The following AP3D1 variants were observed in gnomAD, a reference collection of about 807,000 sequenced individuals.
AP3D1 encodes adaptor related protein complex 3 subunit delta 1.
A neutral mutation model predicts 147.6 loss-of-function variants in AP3D1; 51 were observed. That is an observed-to-expected ratio of 0.35 (90% confidence interval 0.28 to 0.44). AP3D1 has a LOEUF of 0.44. AP3D1 is among the 20% of genes least tolerant of loss of function. The pLI is 1.00. For synonymous variants in AP3D1, 760 were observed against 663.0 expected, an observed-to-expected ratio of 1.15 and a Z score of -2.25; for missense variants, 1,421 against 1,624.2, an observed-to-expected ratio of 0.87 and a Z score of 2.15.
chr19:2,113,211 C>A, intron 23 of AP3D1, 125 bp downstream of exon 23: 1 of 653,724 alleles, frequency 1.5e-6, no homozygotes, highest in South Asian at 2.0e-5. Context: ...AGTGCTGGGT[C>A]CCACAGGTGC....
chr19:2,144,986 T>C (rs113186705), intron 1 of AP3D1, among the ~76,000 whole-genome samples: 8 of 152,302 alleles, frequency 5.3e-5, no homozygotes, highest in Admixed American at 2.0e-4. Flanking sequence ...CGCCAGGGCA[T>C]AGGTTTCTCT....
chr19:2,139,313 G>A (rs2019159972), intron 1 of AP3D1, among the ~76,000 whole-genome samples: 1 of 152,134 alleles, frequency 6.6e-6, no homozygotes, highest in Admixed American at 6.6e-5. Flanking sequence ...ACTCCTTGGT[G>A]GACGAACATG....
In AP3D1 at chr19:2,101,022, C is replaced by G. The variant is rs2017935715; in HGVS notation, c.*1151G>C. 6.6e-6 allele frequency: 1 copy of G among 152,444 alleles called. No homozygotes were observed. The highest frequency in any genetic ancestry group is 2.1e-4 in the South Asian group (1 of 4,836). The allele number at this position is 152,444 out of a possible 1,614,324, so 9.4% of individuals were successfully genotyped here. A position where few individuals can be genotyped will look rare whatever the true frequency, so the allele number is the denominator to read the frequency against. On this transcript the variant is annotated 3_prime_UTR_variant, in exon 32 of 32. Coordinates refer to ENST00000643116, the MANE Select transcript of AP3D1 (RefSeq NM_001261826.3). ...CTGTTTTACAACTTTATTGGATCAT[C>G]TTGACACAAAATCATGACAGCAGCG...
chr19:2,116,790 C>A, intron 16 of AP3D1, 44 bp from the exon 17 acceptor site: 1 of 1,553,266 alleles, frequency 6.4e-7, no homozygotes, highest in Non-Finnish European at 8.7e-7. Context: ...TGTGACCGAG[C>A]ACGCGCCTGC....
chr19:2,137,341 T>G (rs2019104057), intron 3 of AP3D1, among the ~76,000 whole-genome samples: 1 of 151,848 alleles, frequency 6.6e-6, no homozygotes, highest in African/African-American at 2.4e-5. Flanking sequence ...GGAGACAAAG[T>G]CTCGCTCTGT....
chr19:2,152,074 A>G (rs1229491396), upstream of AP3D1, among the ~76,000 whole-genome samples: 1 of 152,220 alleles, frequency 6.6e-6, no homozygotes, highest in East Asian at 1.9e-4. Flanking sequence ...TAACATGCCC[A>G]CAGGAAGAAA....
In AP3D1 at chr19:2,111,668, G is replaced by A. The variant is rs1052554704; in HGVS notation, c.2937+11C>T. The A allele has an allele frequency of 7.0e-6, 11 of 1,579,742 alleles. No homozygotes were observed. The South Asian group carries it at 9.1e-5, about 13-fold the overall frequency. ...CCCGGCGTGGGGCGGGGGCGCTGAAGTACCCCTCACCGGGAGCTGCTCCTC... is the reference window on the plus strand; with the variant it reads ...CCCGGCGTGGGGCGGGGGCGCTGAAATACCCCTCACCGGGAGCTGCTCCTC... On this transcript the variant is annotated intron_variant, in intron 25 of 31. Coordinates refer to ENST00000643116, the MANE Select transcript of AP3D1 (RefSeq NM_001261826.3).
chr19:2,160,098 C>T (rs1799640158), intron 1 of AP3D1, among the ~76,000 whole-genome samples: 1 of 152,042 alleles, frequency 6.6e-6, no homozygotes, highest in Non-Finnish European at 1.5e-5. Flanking sequence ...ATCTGCCCGC[C>T]TCAGCCTCCC....
intron 1 of AP3D1, among the ~76,000 whole-genome samples, chr19:2,149,705 T>C (rs1297270983): frequency 6.6e-6 from 1 of 152,114 alleles, no homozygotes; most frequent in Admixed American, 6.6e-5. Flanking sequence ...TGCCCCAGAC[T>C]AGAGGTGTGG....
chr19:2,163,704 C>A (rs575473851), intron 1 of AP3D1, among the ~76,000 whole-genome samples: 1 of 152,088 alleles, frequency 6.6e-6, no homozygotes, highest in South Asian at 2.1e-4. Flanking sequence ...CTCCCCGGGT[C>A]CCCGCTTCGG....
chr19:2,145,737 T>C (rs1259137000), intron 1 of AP3D1, among the ~76,000 whole-genome samples: 1 of 152,052 alleles, frequency 6.6e-6, no homozygotes, highest in East Asian at 1.9e-4. Context: ...AGGACCCACA[T>C]GCCTCGGCCT....
Position 2,138,677 on chromosome 19 carries a change from T to C in AP3D1, c.134A>G (p.Gln45Arg). ...YISQCIDEIK[Q>R]ELKQDNIAVK... ...CGCTATGTTGTCCTGCTTCAGCTCC[T>C]GCTTGATCTCATCAATGCACTGAGA... The change falls in exon 2 of 32, where the codon CAG becomes CGG. Residue 45 changes from glutamine (Q) to arginine (R), a missense_variant. Around this residue, in one of 6 missense-constraint regions of AP3D1, gnomAD observed 292 missense variants for 412.0 expected, o/e 0.71. Coordinates refer to ENST00000643116, the MANE Select transcript of AP3D1 (RefSeq NM_001261826.3). 6.2e-7 allele frequency: 1 copy of C among 1,613,900 alleles called. No homozygotes were observed. Among genetic ancestry groups the C allele is most frequent in the Non-Finnish European group, 8.5e-7 (1 of 1,180,010 alleles).
chr19:2,116,274 C>T lies in AP3D1; in HGVS notation c.2006G>A (p.Arg669Gln), dbSNP rs746750550. 9 of 1,613,868 alleles carry T rather than the reference C, an allele frequency of 5.6e-6. No individual in the cohort carries two copies. The highest frequency in any genetic ancestry group is 4.4e-5 in the South Asian group (4 of 91,076). The change falls in exon 18 of 32, where the codon CGA becomes CAA. Residue 669 changes from arginine (R) to glutamine (Q), a missense_variant. Arg to Gln is a conservative substitution (Grantham distance 43). Transcript: ENST00000643116. ...GGCCTGCTCCTGCTTCCGGGCCTCT[C>T]GGCGCTGTGGGACACAGCTTGGCAT... ...EADEEELARR[R>Q]EARKQEQANN...
At chr19:2,103,492 G>C (rs2018016761) in intron 31 of AP3D1, among the ~76,000 whole-genome samples, 1 of 152,220 alleles carries the variant, frequency 6.6e-6, no homozygotes, top group South Asian at 2.1e-4. Flanking sequence ...CCCAGAGAGG[G>C]AGGTACGCGG....
At chr19:2,117,513 G>T (rs1187456171) in intron 15 of AP3D1, 146 bp from the exon 16 acceptor site, 2 of 887,964 alleles carry the variant, frequency 2.3e-6, no homozygotes, top group Non-Finnish European at 3.2e-6. Context: ...CAGCCTTCAT[G>T]CCGTCTCTGT....
chr19:2,130,602 C>T, intron 5 of AP3D1, 65 bp from the exon 6 acceptor site: 2 of 1,597,246 alleles, frequency 1.3e-6, no homozygotes, highest in Non-Finnish European at 8.5e-7. Context: ...TCGCCCCTCC[C>T]AGCCGCCTCC....
In AP3D1 at chr19:2,111,466, G is replaced by C. The variant is rs1472205781; in HGVS notation, c.2938-134C>G. 20 of 1,285,148 alleles carry C rather than the reference G, an allele frequency of 1.6e-5. No individual in the cohort carries two copies. In the East Asian group the frequency reaches 5.0e-4, roughly 32 times the overall value. The allele number at this position is 1,285,148 out of a possible 1,614,324, so 79.6% of individuals were successfully genotyped here. ...TGGGGCAAGGGGCTTCAAAGGAGCC[G>C]ATGAGGGATCCCCGGCTCCCAGGAC... is the stretch of plus-strand genomic sequence containing the variant. On this transcript the variant is annotated intron_variant, in intron 25 of 31. Transcript: ENST00000643116.
At chr19:2,132,982 C>G (rs2018989222) in intron 4 of AP3D1, among the ~76,000 whole-genome samples, 1 of 152,200 alleles carries the variant, frequency 6.6e-6, no homozygotes, top group African/African-American at 2.4e-5. Context: ...TTCCTGGCAC[C>G]TCCTGGGACA....
upstream of AP3D1, among the ~76,000 whole-genome samples, chr19:2,152,001 G>C (rs538711401): frequency 4.9e-4 from 74 of 152,352 alleles, no homozygotes; most frequent in African/African-American, 1.8e-3. Context: ...TGGGTGGGTG[G>C]GGGAACGGAT....
Sources: allele counts gnomAD v4.1 joint callset (sites outside exome capture counted in the v4.1 genomes callset), GRCh38; gene constraint gnomAD v4.1.1; regional missense constraint gnomAD v4.1.1; transcripts MANE v1.5; gene names NCBI Gene and HGNC (gene_info 2026-07-23, HGNC 2026-07-21).